PRKCA: variants seen among roughly 807,000 people sequenced by gnomAD.
The protein encoded by PRKCA is protein kinase C alpha type.
PRKCA carries 27 observed loss-of-function variants against 87.0 expected under a neutral mutation model. The observed-to-expected ratio is 0.31, with a 90% confidence interval of 0.23 to 0.43. The LOEUF is 0.43. Ranked by LOEUF, PRKCA falls within the 20% of genes least tolerant of loss-of-function variation. PRKCA has a pLI of 1.00. For missense variants in PRKCA, 518 were observed against 852.3 expected, an observed-to-expected ratio of 0.61 and a Z score of 4.88; for synonymous variants, 329 against 311.1, an observed-to-expected ratio of 1.06 and a Z score of -0.61.
intron 13 of PRKCA, among the ~76,000 whole-genome samples, chr17:66,769,803 C>A (rs991842945): frequency 6.6e-6 from 1 of 152,162 alleles, no homozygotes; most frequent in African/African-American, 2.4e-5. Flanking sequence ...CAAAGAAAAT[C>A]GTTGGGCTCG....
At chr17:66,625,102 A>G (rs2143713515) in intron 3 of PRKCA, among the ~76,000 whole-genome samples, 1 of 152,326 alleles carries the variant, frequency 6.6e-6, no homozygotes, top group Admixed American at 6.5e-5. Flanking sequence ...ATCACGAACT[A>G]CTTTGCTGTG....
chr17:66,736,175 C>T (rs968475369), intron 10 of PRKCA, among the ~76,000 whole-genome samples: 1 of 151,752 alleles, frequency 6.6e-6, no homozygotes, highest in Non-Finnish European at 1.5e-5. Flanking sequence ...AGCCACTGTG[C>T]CTGGCCTTAA....
At position 66,719,692 on chromosome 17, in the gene PRKCA, A is replaced by G. The variant is rs150783419; in HGVS notation, c.919-12996A>G. ...TGAGGTGCGAGAATCGCTTGAACCCAGGAGGCAGAGGTTGCAGCAAGCCAA... is the reference window on the plus strand; with the variant it reads ...TGAGGTGCGAGAATCGCTTGAACCCGGGAGGCAGAGGTTGCAGCAAGCCAA... On this transcript the variant is annotated intron_variant, in intron 8 of 16. Transcript: ENST00000413366. Among the ~76,000 whole-genome samples, 448 of 152,350 alleles carry G rather than the reference A, an allele frequency of 2.9e-3. 3 individuals carry two copies. The highest frequency in any genetic ancestry group is 1.0e-2 in the African/African-American group (414 of 41,580).
rs200326466 is a variant in PRKCA, at chr17:66,709,310, T to TC, written c.918+20263_918+20264insC. On this transcript the variant is annotated intron_variant, in intron 8 of 16. Transcript: ENST00000413366. ...TCTTTTGAGATGATTTCTTTTTTTTTTTTTTTTTTTTTTTTTTTGAGATAG... is the reference window on the plus strand; with the variant it reads ...TCTTTTGAGATGATTTCTTTTTTTTTCTTTTTTTTTTTTTTTTTTGAGATAG... 3.5e-4 allele frequency among the ~76,000 whole-genome samples: 51 copies of TC among 144,960 alleles called. 1 individual carries two copies. The highest frequency in any genetic ancestry group is 6.9e-3 in the Middle Eastern group (2 of 290).
At chr17:66,718,209 G>A (rs995242854) in intron 8 of PRKCA, among the ~76,000 whole-genome samples, 1 of 152,212 alleles carries the variant, frequency 6.6e-6, no homozygotes, top group South Asian at 2.1e-4. Flanking sequence ...ATCAAGGCAG[G>A]TGAGGTGTCT....
chr17:66,619,500 C>T (rs1479176281), intron 3 of PRKCA, among the ~76,000 whole-genome samples: 1 of 152,188 alleles, frequency 6.6e-6, no homozygotes, highest in African/African-American at 2.4e-5. Flanking sequence ...TTTCACATGG[C>T]CTATTTTCCC....
At chr17:66,650,567 G>T (rs953606963) in intron 5 of PRKCA, among the ~76,000 whole-genome samples, 2 of 152,196 alleles carry the variant, frequency 1.3e-5, no homozygotes, top group African/African-American at 4.8e-5. Flanking sequence ...CTGAAGAAGA[G>T]TCTAATTTTC....
At chr17:66,377,051 G>A (rs1410684649) in intron 2 of PRKCA, among the ~76,000 whole-genome samples, 1 of 151,638 alleles carries the variant, frequency 6.6e-6, no homozygotes, top group Admixed American at 6.6e-5. Flanking sequence ...TTGAGATGGA[G>A]TTTCACTCTT....
intron 2 of PRKCA, among the ~76,000 whole-genome samples, chr17:66,455,666 CTTACCTG>C: frequency 6.6e-6 from 1 of 152,180 alleles, no homozygotes; most frequent in East Asian, 1.9e-4. Context: ...TAACTGGGAT[CTTACCTG>C]TGTGGGGTTT....
At chr17:66,748,883 G>A (rs1446613874) in intron 13 of PRKCA, among the ~76,000 whole-genome samples, 1 of 152,112 alleles carries the variant, frequency 6.6e-6, no homozygotes, top group Non-Finnish European at 1.5e-5. Flanking sequence ...CCCGTGGTAA[G>A]GATGCCCTTC....
At chr17:66,648,854 A>T (rs1459269385) in intron 5 of PRKCA, among the ~76,000 whole-genome samples, 1 of 152,114 alleles carries the variant, frequency 6.6e-6, no homozygotes, top group Non-Finnish European at 1.5e-5. Flanking sequence ...GCACTTTGGG[A>T]GGCCGAGGCG....
intron 13 of PRKCA, among the ~76,000 whole-genome samples, chr17:66,745,750 G>T (rs890561183): frequency 6.6e-6 from 1 of 152,134 alleles, no homozygotes; most frequent in African/African-American, 2.4e-5. Flanking sequence ...CCCACAGGGA[G>T]GTAGCATCAG....
intron 3 of PRKCA, among the ~76,000 whole-genome samples, chr17:66,626,454 T>A (rs1352126572): frequency 6.6e-6 from 1 of 151,200 alleles, no homozygotes; most frequent in East Asian, 2.0e-4. Flanking sequence ...CTCCGCCTCC[T>A]GGGTTCATGC....
intron 5 of PRKCA, among the ~76,000 whole-genome samples, chr17:66,649,280 A>G (rs1440392183): frequency 1.3e-5 from 2 of 152,186 alleles, no homozygotes; most frequent in Non-Finnish European, 2.9e-5. Flanking sequence ...CCCCATGCCC[A>G]TTATCTGCCT....
chr17:66,341,915 A>T (rs554651019), intron 2 of PRKCA, among the ~76,000 whole-genome samples: 20 of 152,344 alleles, frequency 1.3e-4, no homozygotes, highest in African/African-American at 4.1e-4. Flanking sequence ...TACAGCTCTT[A>T]TGCAAGGAAT....
chr17:66,742,697 A>G lies in PRKCA; in HGVS notation c.1461A>G (p.Glu487=), dbSNP rs1311735565. ...TTGCTGACTTTGGGATGTGCAAGGA[A>G]CACATGATGGATGGAGTCACGACCA... ...IKIADFGMCK[E]HMMDGVTTRT... The change falls in exon 13 of 17, where the codon GAA becomes GAG. Residue 487 remains glutamate (E), a synonymous_variant. Transcript: ENST00000413366. The G allele has an allele frequency of 6.2e-7, 1 of 1,614,214 alleles. No individual in the cohort carries two copies. Among genetic ancestry groups the G allele is most frequent in the African/African-American group, 1.3e-5 (1 of 75,062 alleles).
chr17:66,686,364 TGAG>T (rs1567975689), intron 5 of PRKCA, among the ~76,000 whole-genome samples: 1 of 152,128 alleles, frequency 6.6e-6, no homozygotes, highest in Non-Finnish European at 1.5e-5. Context: ...TTATTAAGTC[TGAG>T]GTGGGACCCA....
intron 2 of PRKCA, among the ~76,000 whole-genome samples, chr17:66,451,518 C>A (rs1316330594): frequency 6.6e-6 from 1 of 152,130 alleles, no homozygotes; most frequent in Admixed American, 6.5e-5. Flanking sequence ...TCTGTTTCTT[C>A]TAATTAGAAT....
chr17:66,593,035 C>T (rs1472947168), intron 3 of PRKCA, among the ~76,000 whole-genome samples: 1 of 152,210 alleles, frequency 6.6e-6, no homozygotes, highest in African/African-American at 2.4e-5. Context: ...CATGATCCAC[C>T]CGCCTCAGCC....
Sources: gnomAD v4.1 joint callset for allele counts (sites outside exome capture counted in the v4.1 genomes callset) on GRCh38, gnomAD v4.1.1 for gene constraint, MANE v1.5 for transcripts, NCBI Gene and HGNC (gene_info 2026-07-23, HGNC 2026-07-21) for gene names.